The following FRMPD4 variants were observed in gnomAD, a reference collection of about 807,000 sequenced individuals.
FRMPD4 encodes the protein FERM and PDZ domain containing 4.
FRMPD4 carries 22 observed loss-of-function variants against 94.1 expected under a neutral mutation model. That is an observed-to-expected ratio of 0.23 (90% confidence interval 0.17 to 0.33). FRMPD4 has a LOEUF of 0.33. Among genes scored for constraint, FRMPD4 ranks in the 10% least tolerant of loss-of-function variants. The probability of loss-of-function intolerance (pLI) is 1.00; values close to 1 mark genes in which losing one functional copy is unlikely to be tolerated. For synonymous variants in FRMPD4, 631 were observed against 548.6 expected (o/e 1.15, Z -2.10); for missense variants, 1,111 against 1,339.9 (o/e 0.83, Z 2.67).
chrX:12,498,524 G>A, intron 1 of FRMPD4, 156 bp from the exon 2 acceptor site: 2 of 521,050 alleles, frequency 3.8e-6, no homozygotes, highest in Non-Finnish European at 3.4e-6. Context: ...TTGTAAACTA[G>A]AAATTGTAAA....
chrX:11,934,931 C>A (rs915057783), intron 3 of FRMPD4, among the ~76,000 whole-genome samples: 1 of 111,709 alleles, frequency 9.0e-6, no homozygotes, highest in African/African-American at 3.3e-5. Context: ...ATTATGTGAA[C>A]AGCAAAATTA....
intron 3 of FRMPD4, among the ~76,000 whole-genome samples, chrX:11,943,197 C>G (rs1428831165): frequency 9.0e-6 from 1 of 111,133 alleles, no homozygotes; most frequent in African/African-American, 3.3e-5. Context: ...TCCTGTGTCC[C>G]AGAAATTTTA....
chrX:12,293,916 A>G (rs1450232814), intron 1 of FRMPD4, among the ~76,000 whole-genome samples: 2 of 112,388 alleles, frequency 1.8e-5, no homozygotes, highest in Non-Finnish European at 3.8e-5. Context: ...CTGTCTACTT[A>G]TGGAAAGAAT....
chrX:12,063,595 GAAAAATA>G (rs1165122144), intron 3 of FRMPD4, among the ~76,000 whole-genome samples: 127 of 112,065 alleles, frequency 1.1e-3, no homozygotes, highest in Non-Finnish European at 2.1e-3. Context: ...AAAATAAAAA[GAAAAATA>G]ATTATCCAGG....
chrX:12,449,206 T>G (rs941362680), intron 1 of FRMPD4, among the ~76,000 whole-genome samples: 11 of 112,297 alleles, frequency 9.8e-5, no homozygotes, highest in African/African-American at 3.6e-4. Flanking sequence ...AATACTGGAT[T>G]TAGCAATCAG....
At chrX:12,410,589 A>G (rs1246094283) in intron 1 of FRMPD4, among the ~76,000 whole-genome samples, 1 of 111,297 alleles carries the variant, frequency 9.0e-6, no homozygotes, top group Non-Finnish European at 1.9e-5. Context: ...TAAAATGCCA[A>G]TTTCAGGTCT....
intron 3 of FRMPD4, among the ~76,000 whole-genome samples, chrX:12,073,073 T>C (rs996710901): frequency 1.8e-5 from 2 of 111,749 alleles, no homozygotes; most frequent in Non-Finnish European, 3.8e-5. Context: ...TCTAAGTTGA[T>C]ACATGTAGGT....
At chrX:12,161,105 G>A (rs1204277183) in intron 1 of FRMPD4, among the ~76,000 whole-genome samples, 1 of 110,854 alleles carries the variant, frequency 9.0e-6, no homozygotes, top group Non-Finnish European at 1.9e-5. Context: ...TGCTGCTGCT[G>A]CTGTTTCCAC....
intron 1 of FRMPD4, among the ~76,000 whole-genome samples, chrX:12,482,516 T>C (rs1431554996): frequency 8.9e-6 from 1 of 111,762 alleles, no homozygotes; most frequent in Non-Finnish European, 1.9e-5. Context: ...CTAGAACTGA[T>C]AGACAAGTCA....
intron 3 of FRMPD4, among the ~76,000 whole-genome samples, chrX:12,060,328 CATT>C (rs1474230038): frequency 2.9e-5 from 3 of 102,118 alleles, no homozygotes; most frequent in Non-Finnish European, 5.9e-5. Context: ...GATGGTATCT[CATT>C]GTGGTTTTTA....
intron 3 of FRMPD4, among the ~76,000 whole-genome samples, chrX:12,016,150 C>A (rs1418098886): frequency 8.9e-6 from 1 of 111,803 alleles, no homozygotes; most frequent in Non-Finnish European, 1.9e-5. Flanking sequence ...TTCCTGGGAA[C>A]TCATGATTGG....
chrX:12,279,651 C>T (rs1376313686), intron 1 of FRMPD4, among the ~76,000 whole-genome samples: 3 of 111,688 alleles, frequency 2.7e-5, no homozygotes, highest in Non-Finnish European at 5.6e-5. Flanking sequence ...TCTCTCCTGA[C>T]ATTCAGGCTG....
chrX:12,236,464 A>G (rs916186202), intron 1 of FRMPD4, among the ~76,000 whole-genome samples: 6 of 111,909 alleles, frequency 5.4e-5, no homozygotes, highest in Admixed American at 3.8e-4. Flanking sequence ...ATTCAGTCCT[A>G]TTTATCTTTG....
intron 1 of FRMPD4, among the ~76,000 whole-genome samples, chrX:12,198,671 G>T (rs937241539): frequency 8.9e-6 from 1 of 111,910 alleles, no homozygotes; most frequent in Admixed American, 9.5e-5. Context: ...GATTGGTTTT[G>T]CATTTCTTTG....
In FRMPD4 at chrX:12,468,241, T is replaced by G. The variant is rs763041668; in HGVS notation, c.42-30439T>G. 2.1e-3 allele frequency among the ~76,000 whole-genome samples: 241 copies of G among 112,354 alleles called. 1 individual carries two copies. Among genetic ancestry groups the G allele is most frequent in the Non-Finnish European group, 3.6e-3 (191 of 53,252 alleles). ...TTATTTTTAGCAGCTGTGTGTAAAT[T>G]TTTTGTCAGGAATAAATAAGTGGTT... On this transcript the variant is annotated intron_variant, in intron 1 of 16. Transcript: ENST00000675598.
chrX:12,406,262 G>A (rs1468657888), intron 1 of FRMPD4, among the ~76,000 whole-genome samples: 3 of 111,332 alleles, frequency 2.7e-5, no homozygotes, highest in East Asian at 2.8e-4. Context: ...ATTCAAACAC[G>A]CACAGATTTT....
At chrX:12,047,808 G>T (rs924309116) in intron 3 of FRMPD4, among the ~76,000 whole-genome samples, 2 of 112,360 alleles carry the variant, frequency 1.8e-5, no homozygotes, top group African/African-American at 6.5e-5. Context: ...TGTCCATGCT[G>T]CTGCAAAGGA....
intron 3 of FRMPD4, among the ~76,000 whole-genome samples, chrX:11,977,847 G>A (rs2054375092): frequency 9.0e-6 from 1 of 111,302 alleles, no homozygotes; most frequent in Non-Finnish European, 1.9e-5. Context: ...ATAAAGAATT[G>A]TGGAAAAGAA....
At chrX:12,108,641 G>C (rs1385276188) in intron 3 of FRMPD4, among the ~76,000 whole-genome samples, 1 of 111,782 alleles carries the variant, frequency 8.9e-6, no homozygotes, top group Non-Finnish European at 1.9e-5. Flanking sequence ...ATTGGATAAA[G>C]AGTCAAGACC....
Sources: allele counts gnomAD v4.1 joint callset (sites outside exome capture counted in the v4.1 genomes callset), GRCh38; gene constraint gnomAD v4.1.1; transcripts MANE v1.5; gene names NCBI Gene and HGNC (gene_info 2026-07-23, HGNC 2026-07-21).